Variants in FKBP3 observed in about 807,000 individuals in gnomAD.
The protein encoded by FKBP3 is FKBP prolyl isomerase 3.
In FKBP3, 21 loss-of-function variants were observed where a neutral mutation model predicts 30.6. The ratio of observed to expected loss-of-function variants is 0.69; its 90% CI spans 0.49 to 0.99. FKBP3 has a LOEUF of 0.99. Among genes scored for constraint, FKBP3 ranks in the 50% least tolerant of loss-of-function variants. The probability of loss-of-function intolerance (pLI) is 0.00; values close to 1 mark genes in which losing one functional copy is unlikely to be tolerated. For synonymous variants in FKBP3, 82 were observed against 91.3 expected, an observed-to-expected ratio of 0.90 and a Z score of 0.58; for missense variants, 283 against 261.6, an observed-to-expected ratio of 1.08 and a Z score of -0.56.
At chr14:45,134,277 T>C (rs910758839) in intron 1 of FKBP3, 72 bp downstream of exon 1, 6 of 1,202,168 alleles carry the variant, frequency 5.0e-6, no homozygotes, top group African/African-American at 3.1e-5. Flanking sequence ...GAATACGGAA[T>C]GTATGGGCAT....
At chr14:45,127,721 A>G (rs534507814) in intron 3 of FKBP3, among the ~76,000 whole-genome samples, 46 of 152,308 alleles carry the variant, frequency 3.0e-4, no homozygotes, top group African/African-American at 8.9e-4. Context: ...AAGATTTTTC[A>G]GCAGGGTGTG....
At chr14:45,121,035 C>G in intron 4 of FKBP3, 81 bp from the exon 5 acceptor site, 1 of 1,175,544 alleles carries the variant, frequency 8.5e-7, no homozygotes, top group South Asian at 1.3e-5. Context: ...TATTAAATTC[C>G]AGTGGAAAAA....
At chr14:45,122,644 C>T (rs1186354669) in intron 3 of FKBP3, among the ~76,000 whole-genome samples, 4 of 151,850 alleles carry the variant, frequency 2.6e-5, no homozygotes, top group Admixed American at 2.0e-4. Context: ...GCTGGGACTA[C>T]AGGCGCCTGC....
chr14:45,123,383 G>T (rs373969502), intron 3 of FKBP3, among the ~76,000 whole-genome samples: 186 of 151,766 alleles, frequency 1.2e-3, no homozygotes, highest in Middle Eastern at 6.8e-3. Context: ...CCTCCTTAAA[G>T]TGTCCGCCTA....
chr14:45,128,052 G>A (rs887810749), intron 3 of FKBP3, among the ~76,000 whole-genome samples: 1 of 151,816 alleles, frequency 6.6e-6, no homozygotes, highest in African/African-American at 2.4e-5. Context: ...TAATGAGAAG[G>A]GAGTCCAGGG....
chr14:45,116,812 C>T (rs565289339), intron 6 of FKBP3, among the ~76,000 whole-genome samples: 4 of 151,962 alleles, frequency 2.6e-5, no homozygotes, highest in Non-Finnish European at 4.4e-5. Flanking sequence ...GCTGAGATCA[C>T]GCTGCTGCAC....
chr14:45,124,280 C>T (rs185079422), intron 3 of FKBP3, among the ~76,000 whole-genome samples: 1 of 152,228 alleles, frequency 6.6e-6, no homozygotes, highest in Admixed American at 6.5e-5. Flanking sequence ...CCTGTAAACC[C>T]AGCACTTTGG....
chr14:45,121,424 C>T lies in FKBP3; in HGVS notation c.454+61G>A, dbSNP rs1594741969. ...AAGGTACTGCTAACTACTCATCTGT[C>T]TGCCACCCAAGTATTTAGAATCTCT... On this transcript the variant is annotated intron_variant, in intron 4 of 6. Coordinates refer to ENST00000396062, the MANE Select transcript of FKBP3 (RefSeq NM_002013.4). The T allele has an allele frequency of 3.5e-6, 5 of 1,443,462 alleles. No individual in the cohort carries two copies. The East Asian group carries it at 1.1e-4, about 33-fold the overall frequency. The allele number at this position is 1,443,462 out of a possible 1,614,324, so 89.4% of individuals were successfully genotyped here.
At chr14:45,130,892 G>T in intron 1 of FKBP3, 92 bp from the exon 2 acceptor site, 1 of 660,012 alleles carries the variant, frequency 1.5e-6, no homozygotes, top group Non-Finnish European at 2.6e-6. Flanking sequence ...TAGCAGTTGT[G>T]TTTTCAGTAG....
chr14:45,130,372 A>C (rs1227358459), intron 2 of FKBP3, among the ~76,000 whole-genome samples: 1 of 152,242 alleles, frequency 6.6e-6, no homozygotes, highest in African/African-American at 2.4e-5. Context: ...TAATAAAACA[A>C]CAACAAAATA....
chr14:45,123,279 CTCT>C (rs1166279934), intron 3 of FKBP3, among the ~76,000 whole-genome samples: 2 of 152,052 alleles, frequency 1.3e-5, no homozygotes, highest in Non-Finnish European at 2.9e-5. Flanking sequence ...CCTCTGAGAC[CTCT>C]TCTTCACAAG....
intron 3 of FKBP3, among the ~76,000 whole-genome samples, chr14:45,122,582 C>T (rs528708789): frequency 6.6e-6 from 1 of 151,852 alleles, no homozygotes; most frequent in South Asian, 2.1e-4. Context: ...CTCACTGCAA[C>T]AACCTCTGCC....
At position 45,134,332 on chromosome 14, in the gene FKBP3, C is replaced by T; in HGVS notation, c.108+17G>A. On this transcript the variant is annotated intron_variant, in intron 1 of 6. Coordinates refer to ENST00000396062, the MANE Select transcript of FKBP3 (RefSeq NM_002013.4). ...CCCTCAGCCGCACCAGCCCGGCCGC[C>T]CCTACGCCTCTGGTACCGAATCTGA... 6.3e-7 allele frequency: 1 copy of T among 1,597,620 alleles called. No homozygotes were observed. The highest frequency in any genetic ancestry group is 8.6e-7 in the Non-Finnish European group (1 of 1,165,722).
intron 1 of FKBP3, among the ~76,000 whole-genome samples, chr14:45,131,931 T>C (rs1885225633): frequency 1.3e-5 from 2 of 152,214 alleles, no homozygotes; most frequent in African/African-American, 2.4e-5. Context: ...GACACTAAAA[T>C]ACTACTGCTG....
intron 5 of FKBP3, among the ~76,000 whole-genome samples, chr14:45,120,274 G>A (rs1484894207): frequency 6.6e-6 from 1 of 152,098 alleles, no homozygotes; most frequent in African/African-American, 2.4e-5. Flanking sequence ...ATCTTCTTTT[G>A]TACAGTATAA....
chr14:45,117,840 TTTA>T (rs1884886657), intron 6 of FKBP3, among the ~76,000 whole-genome samples, 185 bp downstream of exon 6: 1 of 152,196 alleles, frequency 6.6e-6, no homozygotes, highest in African/African-American at 2.4e-5. Context: ...AGGTTTGAAC[TTTA>T]TATCAATAGA....
chr14:45,118,935 C>T (rs982547818), intron 5 of FKBP3, among the ~76,000 whole-genome samples: 2 of 152,160 alleles, frequency 1.3e-5, no homozygotes, highest in Admixed American at 1.3e-4. Flanking sequence ...TGGCTCACTG[C>T]AGCCTCTGCC....
intron 3 of FKBP3, among the ~76,000 whole-genome samples, chr14:45,123,501 C>T (rs915346745): frequency 1.3e-4 from 19 of 151,090 alleles, no homozygotes; most frequent in Non-Finnish European, 2.4e-4. Flanking sequence ...TTTTGATAAG[C>T]GCCAGTTGGC....
At chr14:45,129,301 C>T (rs1885165383) in intron 3 of FKBP3, among the ~76,000 whole-genome samples, 1 of 152,150 alleles carries the variant, frequency 6.6e-6, no homozygotes, top group Non-Finnish European at 1.5e-5. Flanking sequence ...TGTCAATTTG[C>T]AGGAATGAAT....
Sources: allele counts gnomAD v4.1 joint callset (sites outside exome capture counted in the v4.1 genomes callset), GRCh38; gene constraint gnomAD v4.1.1; transcripts MANE v1.5; gene names NCBI Gene and HGNC (gene_info 2026-07-23, HGNC 2026-07-21).